Variants in C8orf34 observed in about 807,000 individuals in gnomAD.
C8orf34 encodes chromosome 8 open reading frame 34, also known as uncharacterized protein C8orf34.
In C8orf34, 65 loss-of-function variants were observed where a neutral mutation model predicts 68.3. The ratio of observed to expected loss-of-function variants is 0.95; its 90% CI spans 0.78 to 1.17. The LOEUF is 1.17. C8orf34 is among the 50% of genes most tolerant of loss of function. The pLI, the probability that C8orf34 is intolerant of heterozygous loss-of-function variation, is 0.00. For synonymous variants in C8orf34, 244 were observed against 241.2 expected (o/e 1.01, Z -0.11); for missense variants, 664 against 655.4 (o/e 1.01, Z -0.14).
chr8:68,790,561 A>G (rs915518868), intron 12 of C8orf34, among the ~76,000 whole-genome samples: 11 of 152,362 alleles, frequency 7.2e-5, no homozygotes, highest in African/African-American at 2.4e-4. Flanking sequence ...TTAGGAAAAG[A>G]TATTGTGAAC....
At chr8:68,669,659 A>G (rs1011900393) in intron 8 of C8orf34, among the ~76,000 whole-genome samples, 1 of 152,192 alleles carries the variant, frequency 6.6e-6, no homozygotes, top group Non-Finnish European at 1.5e-5. Flanking sequence ...TTTCTGAGCT[A>G]TGAATAAAGT....
intron 1 of C8orf34, among the ~76,000 whole-genome samples, chr8:68,359,575 G>A (rs1585980542): frequency 6.6e-6 from 1 of 152,310 alleles, no homozygotes; most frequent in East Asian, 1.9e-4. Flanking sequence ...AGTTGAGACA[G>A]TGCCAGGTGG....
rs1334421169 is a variant in C8orf34, at chr8:68,434,453, C to T, written c.328-5046C>T. 4.6e-5 allele frequency among the ~76,000 whole-genome samples: 7 copies of T among 152,116 alleles called. No homozygotes were observed. The South Asian group carries it at 1.0e-3, about 23-fold the overall frequency. ...TGCTGACAATTATGACTTCCAGCTT[C>T]GTACATGTCACTGCAAAGGACATGA... On this transcript the variant is annotated intron_variant, in intron 1 of 13. Transcript: ENST00000518698.
chr8:68,396,813 C>T (rs565709170), intron 1 of C8orf34, among the ~76,000 whole-genome samples: 1 of 150,490 alleles, frequency 6.6e-6, no homozygotes, highest in African/African-American at 2.4e-5. Flanking sequence ...CTCCCCTTCA[C>T]CTTCTGCCAT....
chr8:68,504,600 A>G (rs1813921971), intron 5 of C8orf34, among the ~76,000 whole-genome samples: 1 of 151,352 alleles, frequency 6.6e-6, no homozygotes, highest in African/African-American at 2.4e-5. Context: ...GCTCACTGCA[A>G]CCTCCATCTT....
intron 8 of C8orf34, among the ~76,000 whole-genome samples, chr8:68,696,557 C>A (rs903127293): frequency 2.6e-5 from 4 of 151,556 alleles, no homozygotes; most frequent in African/African-American, 9.7e-5. Flanking sequence ...GATACAAAAT[C>A]TAATGAATCA....
intron 7 of C8orf34, among the ~76,000 whole-genome samples, chr8:68,605,217 G>A (rs1817819392): frequency 2.0e-5 from 3 of 152,244 alleles, no homozygotes; most frequent in Non-Finnish European, 2.9e-5. Context: ...ACCAAATGCT[G>A]GCAAGGATTT....
chr8:68,767,625 T>TCATTCATTCATGCATG lies in C8orf34; in HGVS notation c.1405-8762_1405-8747dup, dbSNP rs1823218612. 2.6e-5 allele frequency among the ~76,000 whole-genome samples: 4 copies of TCATTCATTCATGCATG among 152,334 alleles called. No individual in the cohort carries two copies. In the South Asian group the frequency reaches 8.3e-4, roughly 32 times the overall value. The stretch of plus-strand genomic sequence containing the variant: ...GCTCCTCTTTGGTATGACCATTCAT[T>TCATTCATTCATGCATG]CATTCATTCATGCATGCATTCATTC... On this transcript the variant is annotated intron_variant, in intron 10 of 13. Coordinates refer to ENST00000518698, the MANE Select transcript of C8orf34 (RefSeq NM_052958.4).
At chr8:68,518,645 C>T (rs530836628) in intron 5 of C8orf34, among the ~76,000 whole-genome samples, 20 of 152,122 alleles carry the variant, frequency 1.3e-4, no homozygotes, top group African/African-American at 4.6e-4. Flanking sequence ...TGAATGTAAT[C>T]CCAGCACTTT....
intron 1 of C8orf34, among the ~76,000 whole-genome samples, chr8:68,435,133 T>C (rs1004963694): frequency 1.3e-5 from 2 of 149,390 alleles, no homozygotes; most frequent in African/African-American, 4.9e-5. Context: ...ATATATAATA[T>C]TACAAGTGTA....
chr8:68,749,165 C>T (rs1175869587), intron 10 of C8orf34, among the ~76,000 whole-genome samples: 1 of 151,502 alleles, frequency 6.6e-6, no homozygotes, highest in Admixed American at 6.6e-5. Context: ...CATATTCTCA[C>T]TCATAGGTGG....
At chr8:68,483,108 C>T (rs1003270195) in intron 4 of C8orf34, among the ~76,000 whole-genome samples, 4 of 152,132 alleles carry the variant, frequency 2.6e-5, no homozygotes, top group South Asian at 2.1e-4. Context: ...TTGCTACTTC[C>T]GTTTCCTATA....
At chr8:68,672,237 T>A (rs1820035956) in intron 8 of C8orf34, among the ~76,000 whole-genome samples, 1 of 152,046 alleles carries the variant, frequency 6.6e-6, no homozygotes, top group South Asian at 2.1e-4. Flanking sequence ...CCACTGATCA[T>A]CCTCCTCATA....
chr8:68,564,751 G>A (rs1816534195), intron 7 of C8orf34, among the ~76,000 whole-genome samples: 1 of 152,188 alleles, frequency 6.6e-6, no homozygotes, highest in Non-Finnish European at 1.5e-5. Context: ...TTTCCCAGAT[G>A]TCAATTTCGT....
chr8:68,529,724 C>G (rs548382155), intron 6 of C8orf34, among the ~76,000 whole-genome samples: 1 of 152,234 alleles, frequency 6.6e-6, no homozygotes, highest in South Asian at 2.1e-4. Context: ...AGATAACACT[C>G]TTTTTCTGTA....
intron 1 of C8orf34, among the ~76,000 whole-genome samples, chr8:68,419,903 CA>C (rs1426559824): frequency 6.8e-6 from 1 of 147,318 alleles, no homozygotes; most frequent in Non-Finnish European, 1.5e-5. Context: ...GGGTGCAGCA[CA>C]CCAGCATGGC....
intron 3 of C8orf34, among the ~76,000 whole-genome samples, chr8:68,463,345 C>T (rs936969444): frequency 3.3e-5 from 5 of 151,926 alleles, no homozygotes; most frequent in South Asian, 2.1e-4. Context: ...GATTCACAGC[C>T]GAATTCTACC....
At chr8:68,459,526 C>T (rs565249417) in intron 3 of C8orf34, among the ~76,000 whole-genome samples, 18 of 152,098 alleles carry the variant, frequency 1.2e-4, no homozygotes, top group African/African-American at 2.9e-4. Flanking sequence ...CCACCGTGCC[C>T]GGCTGAAAAG....
At chr8:68,360,918 C>A (rs530651471) in intron 1 of C8orf34, among the ~76,000 whole-genome samples, 1 of 151,766 alleles carries the variant, frequency 6.6e-6, no homozygotes, top group East Asian at 2.0e-4. Context: ...CCACCCCCTG[C>A]GAATTTTTGT....
Sources: gnomAD v4.1 joint callset for allele counts (sites outside exome capture counted in the v4.1 genomes callset) on GRCh38, gnomAD v4.1.1 for gene constraint, MANE v1.5 for transcripts, NCBI Gene and HGNC (gene_info 2026-07-23, HGNC 2026-07-21) for gene names.